The following PCCA variants were observed in gnomAD, a reference collection of about 807,000 sequenced individuals.
PCCA encodes the protein propionyl-CoA carboxylase alpha chain, mitochondrial.
A neutral mutation model predicts 101.3 loss-of-function variants in PCCA; 74 were observed. The observed-to-expected ratio is 0.73, with a 90% confidence interval of 0.61 to 0.89. The LOEUF (loss-of-function observed/expected upper bound fraction) is 0.89, where lower values mean the gene tolerates loss of function less well. Among genes scored for constraint, PCCA ranks in the 40% least tolerant of loss-of-function variants. The pLI is 0.00. For synonymous variants in PCCA, 294 were observed against 313.6 expected, an observed-to-expected ratio of 0.94 and a Z score of 0.66; for missense variants, 891 against 907.0, an observed-to-expected ratio of 0.98 and a Z score of 0.23.
At chr13:100,108,218 A>G (rs2152270040) in intron 2 of PCCA, among the ~76,000 whole-genome samples, 1 of 152,294 alleles carries the variant, frequency 6.6e-6, no homozygotes, top group East Asian at 1.9e-4. Flanking sequence ...CAACAGCAAA[A>G]AAGATCCTTA....
chr13:100,453,355 G>T (rs955480125), intron 21 of PCCA, among the ~76,000 whole-genome samples: 1 of 151,972 alleles, frequency 6.6e-6, no homozygotes, highest in African/African-American at 2.4e-5. Context: ...ACAAAAATTA[G>T]CCAGGCATGG....
intron 8 of PCCA, among the ~76,000 whole-genome samples, chr13:100,256,155 C>T (rs991770334): frequency 1.3e-5 from 2 of 152,078 alleles, no homozygotes; most frequent in African/African-American, 4.8e-5. Context: ...TACAGACGCA[C>T]ACCACCACAC....
intron 2 of PCCA, chr13:100,104,513 C>G (rs1205932181): frequency 6.6e-6 from 1 of 152,166 alleles, no homozygotes; most frequent in Non-Finnish European, 1.5e-5. Flanking sequence ...GCACTACTCT[C>G]CCCTGCTGCC....
intron 2 of PCCA, among the ~76,000 whole-genome samples, chr13:100,103,531 C>T (rs1318985935): frequency 2.6e-5 from 4 of 151,800 alleles, no homozygotes; most frequent in African/African-American, 9.7e-5. Context: ...AGGATGGTCT[C>T]GAACTCCTGA....
intron 19 of PCCA, among the ~76,000 whole-genome samples, chr13:100,421,747 C>T (rs956796760): frequency 5.9e-5 from 9 of 151,680 alleles, no homozygotes; most frequent in African/African-American, 1.5e-4. Context: ...TGTGGTGGCG[C>T]GATCTCAGCT....
chr13:100,098,249 A>G (rs1357153223), intron 1 of PCCA, among the ~76,000 whole-genome samples: 2 of 152,218 alleles, frequency 1.3e-5, no homozygotes, highest in African/African-American at 4.8e-5. Context: ...AATATATTTT[A>G]CTTAATATAT....
intron 4 of PCCA, among the ~76,000 whole-genome samples, chr13:100,135,944 G>T (rs1265975563): frequency 1.3e-5 from 2 of 151,908 alleles, no homozygotes; most frequent in South Asian, 4.2e-4. Flanking sequence ...GCTATTTTAC[G>T]CTGAGCGATT....
chr13:100,365,082 C>T (rs2152806986), intron 18 of PCCA, among the ~76,000 whole-genome samples: 1 of 152,246 alleles, frequency 6.6e-6, no homozygotes, highest in South Asian at 2.1e-4. Flanking sequence ...TAGAAAAGTG[C>T]CACTGCAGGA....
At chr13:100,515,292 A>G (rs2086751241) in intron 21 of PCCA, 135 bp from the exon 22 acceptor site, 1 of 782,202 alleles carries the variant, frequency 1.3e-6, no homozygotes, top group Non-Finnish European at 2.2e-6. Context: ...GTGTGCAGCA[A>G]TTGAGAACCA....
chr13:100,132,808 C>T (rs932803282), intron 4 of PCCA, among the ~76,000 whole-genome samples: 2 of 152,046 alleles, frequency 1.3e-5, no homozygotes, highest in Non-Finnish European at 2.9e-5. Flanking sequence ...GAGTCTCACT[C>T]TGTCACCGGG....
chr13:100,387,061 G>A (rs966909657), intron 19 of PCCA, among the ~76,000 whole-genome samples: 7 of 152,162 alleles, frequency 4.6e-5, no homozygotes, highest in African/African-American at 1.4e-4. Flanking sequence ...AATCAGAAAA[G>A]CAGCTGGCTC....
intron 18 of PCCA, among the ~76,000 whole-genome samples, chr13:100,358,348 A>T (rs1478875248): frequency 2.0e-5 from 3 of 152,220 alleles, no homozygotes; most frequent in Non-Finnish European, 4.4e-5. Context: ...AAGAATAAAG[A>T]CAACTATAAT....
intron 21 of PCCA, among the ~76,000 whole-genome samples, chr13:100,498,480 T>A (rs1228414982): frequency 6.6e-6 from 1 of 152,144 alleles, no homozygotes; most frequent in African/African-American, 2.4e-5. Context: ...CAAATAGATT[T>A]CCTTGCTCCT....
chr13:100,268,486 T>A, intron 10 of PCCA: 1 of 634,580 alleles, frequency 1.6e-6, no homozygotes, highest in Middle Eastern at 4.1e-4. Context: ...CAAATCTTTT[T>A]GATAAAAATG....
At chr13:100,273,098 A>G (rs1323438513) in intron 11 of PCCA, 98 bp from the exon 12 acceptor site, 4 of 828,442 alleles carry the variant, frequency 4.8e-6, no homozygotes, top group South Asian at 2.9e-5. Context: ...TAGATGATCT[A>G]TATCTGAGTA....
chr13:100,500,419 A>G (rs552468049), intron 21 of PCCA, among the ~76,000 whole-genome samples: 1 of 152,302 alleles, frequency 6.6e-6, no homozygotes, highest in Admixed American at 6.5e-5. Context: ...TAATAATAAC[A>G]TGTGCATTCC....
At chr13:100,137,745 G>T (rs1301634949) in intron 4 of PCCA, among the ~76,000 whole-genome samples, 1 of 149,550 alleles carries the variant, frequency 6.7e-6, no homozygotes, top group African/African-American at 2.5e-5. Flanking sequence ...TGACTCTCTT[G>T]TACACAGCAT....
chr13:100,183,507 G>A (rs1156240745), intron 6 of PCCA, among the ~76,000 whole-genome samples: 2 of 152,160 alleles, frequency 1.3e-5, no homozygotes, highest in African/African-American at 4.8e-5. Context: ...GCTGGCCATC[G>A]GGGGAAGTCA....
chr13:100,524,983 G>GGATGGATAGATAGATAGATAGATA (rs1555330339), intron 22 of PCCA, among the ~76,000 whole-genome samples: 1 of 137,174 alleles, frequency 7.3e-6, no homozygotes, highest in African/African-American at 2.6e-5. Context: ...TCTCTAAGAT[G>GGATGGATAGATAGATAGATAGATA]GATAGATAGA....
Sources: allele counts gnomAD v4.1 joint callset (sites outside exome capture counted in the v4.1 genomes callset), GRCh38; gene constraint gnomAD v4.1.1; transcripts MANE v1.5; gene names NCBI Gene and HGNC (gene_info 2026-07-23, HGNC 2026-07-21).